The following KIF6 variants were observed in gnomAD, a reference collection of about 807,000 sequenced individuals.
The protein encoded by KIF6 is kinesin family member 6, also known as kinesin-like protein KIF6.
In KIF6, 106 loss-of-function variants were observed where a neutral mutation model predicts 112.7. The ratio of observed to expected loss-of-function variants is 0.94; its 90% CI spans 0.80 to 1.11. KIF6 has a LOEUF of 1.11. Among genes scored for constraint, KIF6 ranks in the 50% least tolerant of loss-of-function variants. The pLI is 0.00. For missense variants in KIF6, 929 were observed against 964.0 expected, an observed-to-expected ratio of 0.96 and a Z score of 0.48; for synonymous variants, 339 against 339.9, an observed-to-expected ratio of 1.00 and a Z score of 0.03.
intron 14 of KIF6, 73 bp downstream of exon 14, chr6:39,430,980 A>G: frequency 2.6e-6 from 2 of 767,754 alleles, no homozygotes; most frequent in East Asian, 2.6e-5. Context: ...TAGGAAGGAC[A>G]GAGTAAGCAA....
intron 13 of KIF6, among the ~76,000 whole-genome samples, chr6:39,524,599 A>G (rs1314150752): frequency 3.3e-5 from 5 of 152,218 alleles, no homozygotes; most frequent in Non-Finnish European, 7.3e-5. Flanking sequence ...TGCTCCTTAC[A>G]GGGGCAGGAC....
rs1285325115 is a variant in KIF6, at chr6:39,420,009, G to A, written c.1755-6C>T. The A allele has an allele frequency of 6.2e-7, 1 of 1,607,868 alleles. No homozygotes were observed. The highest frequency in any genetic ancestry group is 8.5e-7 in the Non-Finnish European group (1 of 1,174,934). On this transcript the variant is annotated splice_region_variant and splice_polypyrimidine_tract_variant and intron_variant, in intron 14 of 22. Coordinates refer to ENST00000287152, the MANE Select transcript of KIF6 (RefSeq NM_145027.6). ...GGGCCTTGGCTTCAGAAAATCTGGA[G>A]GGGAAAAAAATGAAAATTGTAGTTT... is the stretch of plus-strand genomic sequence containing the variant.
intron 10 of KIF6, among the ~76,000 whole-genome samples, chr6:39,571,247 C>A (rs1414792170): frequency 8.5e-5 from 13 of 152,158 alleles, no homozygotes; most frequent in Non-Finnish European, 4.4e-5. Flanking sequence ...ATCTCTCAGA[C>A]TTTTCTCTTC....
chr6:39,349,790 G>A (rs1272455489), intron 19 of KIF6, among the ~76,000 whole-genome samples: 2 of 151,660 alleles, frequency 1.3e-5, no homozygotes, highest in Non-Finnish European at 2.9e-5. Flanking sequence ...CTACAGGCAC[G>A]CACCACCATG....
At position 39,335,080 on chromosome 6, in the gene KIF6, A is replaced by G. The variant is rs1762865780; in HGVS notation, c.*1452T>C. 1 of 152,228 alleles carries G rather than the reference A, an allele frequency of 6.6e-6. No individual in the cohort carries two copies. The highest frequency in any genetic ancestry group is 2.1e-4 in the South Asian group (1 of 4,834). 9.4% of individuals were successfully genotyped at this position (152,228 alleles called of 1,614,324 possible). ...GCGACTCTGTGCTTGGGACACAGCA[A>G]TGAGCAAGACAAACAGGTCCCTGTT... On this transcript the variant is annotated 3_prime_UTR_variant, in exon 23 of 23. Transcript: ENST00000287152.
chr6:39,677,683 T>A (rs303679), intron 3 of KIF6, among the ~76,000 whole-genome samples: 4 of 82,502 alleles, frequency 4.8e-5, no homozygotes, highest in African/African-American at 2.1e-4. Flanking sequence ...CCCTCCCCCC[T>A]CCCCCGACCC....
chr6:39,432,561 C>T (rs1202615467), intron 13 of KIF6, among the ~76,000 whole-genome samples: 1 of 152,154 alleles, frequency 6.6e-6, no homozygotes, highest in Admixed American at 6.5e-5. Context: ...CAAAAATACA[C>T]CCCACCCTTT....
intron 13 of KIF6, among the ~76,000 whole-genome samples, chr6:39,534,961 T>G (rs564286929): frequency 1.3e-5 from 2 of 152,178 alleles, no homozygotes; most frequent in Non-Finnish European, 2.9e-5. Flanking sequence ...CCAGCCAAAC[T>G]AAGCTTCATA....
In KIF6 at chr6:39,595,462, C is replaced by A. The variant is rs1032004777; in HGVS notation, c.846+592G>T. Reference sequence around the variant, plus strand: ...CACCTACAATGTAGGGCTGTTGTGACGTTTCAATAAAATGGTATACACAAA... The same window carrying A: ...CACCTACAATGTAGGGCTGTTGTGAAGTTTCAATAAAATGGTATACACAAA... On this transcript the variant is annotated intron_variant, in intron 7 of 22. Coordinates refer to ENST00000287152, the MANE Select transcript of KIF6 (RefSeq NM_145027.6). Among the ~76,000 whole-genome samples, 5 of 152,120 alleles carry A rather than the reference C, an allele frequency of 3.3e-5. 1 individual carries two copies. Among genetic ancestry groups the A allele is most frequent in the Admixed American group, 6.5e-5 (1 of 15,270 alleles).
At chr6:39,643,999 C>G (rs1205711138) in intron 3 of KIF6, among the ~76,000 whole-genome samples, 2 of 151,926 alleles carry the variant, frequency 1.3e-5, no homozygotes, top group Non-Finnish European at 2.9e-5. Context: ...GACAAACAAT[C>G]TAATTAAAAA....
At chr6:39,716,293 A>G (rs920768864) in intron 2 of KIF6, among the ~76,000 whole-genome samples, 149 of 11,444 alleles carry the variant, frequency 0.013, no homozygotes, top group Non-Finnish European at 0.034. Context: ...AAAAATATCT[A>G]TAAAGGATAT....
intron 3 of KIF6, among the ~76,000 whole-genome samples, chr6:39,660,553 C>G (rs891825328): frequency 6.6e-6 from 1 of 152,184 alleles, no homozygotes; most frequent in Non-Finnish European, 1.5e-5. Context: ...TGAAGCTTTC[C>G]TTCAACAGCA....
chr6:39,396,775 T>C (rs1356096554), intron 15 of KIF6, among the ~76,000 whole-genome samples: 4 of 151,882 alleles, frequency 2.6e-5, no homozygotes, highest in South Asian at 2.1e-4. Flanking sequence ...GCACAATGAG[T>C]GGTGGTCATC....
chr6:39,671,905 A>G (rs1786838117), intron 3 of KIF6, among the ~76,000 whole-genome samples: 1 of 152,114 alleles, frequency 6.6e-6, no homozygotes, highest in African/African-American at 2.4e-5. Context: ...AAAGATGTGC[A>G]TGTTAGATTC....
chr6:39,551,973 T>C (rs1052417605), intron 10 of KIF6, among the ~76,000 whole-genome samples: 4 of 152,238 alleles, frequency 2.6e-5, no homozygotes, highest in South Asian at 2.1e-4. Context: ...GAATCGGCTA[T>C]GAGACTTTTG....
intron 6 of KIF6, among the ~76,000 whole-genome samples, chr6:39,600,184 G>A (rs1782495492): frequency 6.6e-6 from 1 of 152,146 alleles, no homozygotes; most frequent in South Asian, 2.1e-4. Flanking sequence ...TTCTGAAACT[G>A]CCTAAGAACA....
intron 3 of KIF6, among the ~76,000 whole-genome samples, chr6:39,646,358 T>A (rs1044355715): frequency 6.6e-6 from 1 of 152,090 alleles, no homozygotes; most frequent in African/African-American, 2.4e-5. Flanking sequence ...ATGGATTTTA[T>A]AATTGATGTC....
intron 3 of KIF6, among the ~76,000 whole-genome samples, chr6:39,710,148 C>CT (rs1369219596): frequency 2.0e-5 from 3 of 152,184 alleles, no homozygotes; most frequent in Non-Finnish European, 4.4e-5. Flanking sequence ...CCCCAACTGT[C>CT]TATTCACTGG....
At chr6:39,693,098 A>G (rs572379020) in intron 3 of KIF6, among the ~76,000 whole-genome samples, 7 of 152,332 alleles carry the variant, frequency 4.6e-5, no homozygotes, top group Middle Eastern at 3.4e-3. Context: ...ATGTACGCAT[A>G]TGCCCCTGGG....
Sources: gnomAD v4.1 joint callset for allele counts (sites outside exome capture counted in the v4.1 genomes callset) on GRCh38, gnomAD v4.1.1 for gene constraint, MANE v1.5 for transcripts, NCBI Gene and HGNC (gene_info 2026-07-23, HGNC 2026-07-21) for gene names.